GALNTL6: variants seen among roughly 807,000 people sequenced by gnomAD.
GALNTL6 encodes the protein polypeptide N-acetylgalactosaminyltransferase like 6.
GALNTL6 carries 46 observed loss-of-function variants against 73.7 expected under a neutral mutation model. The ratio of observed to expected loss-of-function variants is 0.62; its 90% CI spans 0.49 to 0.80. The LOEUF is 0.80. Ranked by LOEUF, GALNTL6 falls within the 30% of genes least tolerant of loss-of-function variation. The probability of loss-of-function intolerance (pLI) is 0.00; values close to 1 mark genes in which losing one functional copy is unlikely to be tolerated. For missense variants in GALNTL6, 604 were observed against 755.0 expected (o/e 0.80, Z 2.34); for synonymous variants, 259 against 263.7 (o/e 0.98, Z 0.17).
At chr4:172,564,627 A>G (rs1736492168) in intron 5 of GALNTL6, among the ~76,000 whole-genome samples, 1 of 152,246 alleles carries the variant, frequency 6.6e-6, no homozygotes, top group Non-Finnish European at 1.5e-5. Context: ...CAATGCTGTA[A>G]TGGCAAACAT....
intron 7 of GALNTL6, among the ~76,000 whole-genome samples, chr4:172,855,792 TG>T (rs1201777137): frequency 6.6e-6 from 1 of 152,218 alleles, no homozygotes. Context: ...CACGGGCTCC[TG>T]TTGCACCCTG....
chr4:172,365,983 T>G (rs1410738284), intron 5 of GALNTL6, among the ~76,000 whole-genome samples: 1 of 152,182 alleles, frequency 6.6e-6, no homozygotes, highest in Non-Finnish European at 1.5e-5. Flanking sequence ...CATTTTAACT[T>G]GAAACCTGAT....
At chr4:172,397,519 TAAAAAATGGA>T (rs1743889263) in intron 5 of GALNTL6, among the ~76,000 whole-genome samples, 1 of 151,972 alleles carries the variant, frequency 6.6e-6, no homozygotes, top group Admixed American at 6.6e-5. Flanking sequence ...ATTGTTGTAA[TAAAAAATGGA>T]TTTAACTCTC....
intron 2 of GALNTL6, among the ~76,000 whole-genome samples, chr4:172,155,610 T>C (rs893836511): frequency 1.3e-5 from 2 of 152,226 alleles, no homozygotes; most frequent in African/African-American, 4.8e-5. Context: ...AAACTAGCAT[T>C]ATGAAATGTT....
intron 8 of GALNTL6, among the ~76,000 whole-genome samples, chr4:172,913,521 A>G (rs1314112093): frequency 6.6e-6 from 1 of 152,202 alleles, no homozygotes; most frequent in East Asian, 1.9e-4. Context: ...GGCTAACTAG[A>G]ATAAACAGCA....
chr4:172,324,591 T>G (rs1740880551), intron 4 of GALNTL6, among the ~76,000 whole-genome samples: 1 of 151,312 alleles, frequency 6.6e-6, no homozygotes, highest in African/African-American at 2.4e-5. Flanking sequence ...TTATATTTAT[T>G]TATATTTATT....
At chr4:172,141,643 G>A (rs1163282458) in intron 2 of GALNTL6, among the ~76,000 whole-genome samples, 1 of 151,730 alleles carries the variant, frequency 6.6e-6, no homozygotes, top group Non-Finnish European at 1.5e-5. Flanking sequence ...AATTCTGCCA[G>A]TATAAAAGGA....
At chr4:172,063,247 A>G (rs1731261318) in intron 2 of GALNTL6, among the ~76,000 whole-genome samples, 1 of 152,260 alleles carries the variant, frequency 6.6e-6, no homozygotes. Flanking sequence ...GCCCAAATTC[A>G]GAAGGAAAGA....
intron 5 of GALNTL6, among the ~76,000 whole-genome samples, chr4:172,458,950 T>C (rs1418703497): frequency 6.6e-6 from 1 of 152,112 alleles, no homozygotes; most frequent in African/African-American, 2.4e-5. Flanking sequence ...TGAATATCGA[T>C]GTGAAAATCC....
intron 2 of GALNTL6, among the ~76,000 whole-genome samples, chr4:171,994,162 A>C (rs1484343697): frequency 1.2e-4 from 18 of 152,136 alleles, no homozygotes; most frequent in Admixed American, 1.2e-3. Flanking sequence ...GTATCAATCA[A>C]GATGGTCTAG....
Position 172,035,234 on chromosome 4 carries a change from T to C in GALNTL6, c.139-194422T>C, listed in dbSNP as rs572161395. The stretch of plus-strand genomic sequence containing the variant: ...TAAAAAACATAGAAAACATGTAAAG[T>C]TTTCAAGAATAATAGACAAGTCCAT... On this transcript the variant is annotated intron_variant, in intron 2 of 12. Transcript: ENST00000506823. Among the ~76,000 whole-genome samples the C allele has an allele frequency of 7.9e-5, 12 of 152,078 alleles. 1 individual carries two copies. The South Asian group carries it at 2.5e-3, about 32-fold the overall frequency.
chr4:171,870,089 G>A (rs1037738081), intron 2 of GALNTL6, among the ~76,000 whole-genome samples: 9 of 152,186 alleles, frequency 5.9e-5, no homozygotes, highest in South Asian at 4.1e-4. Context: ...CTGATATGAC[G>A]GAGACCAAGA....
chr4:172,561,126 G>A lies in GALNTL6; in HGVS notation c.553+212437G>A, dbSNP rs1049309791. On this transcript the variant is annotated intron_variant, in intron 5 of 12. Coordinates refer to ENST00000506823, the MANE Select transcript of GALNTL6 (RefSeq NM_001034845.3). ...AAATTAGCCGGGCGCGGTGGCGGGCGCCTGTAGTCCCAGCTACTCGGGAGG... is the reference window on the plus strand; with the variant it reads ...AAATTAGCCGGGCGCGGTGGCGGGCACCTGTAGTCCCAGCTACTCGGGAGG... Among the ~76,000 whole-genome samples, 4 of 151,380 alleles carry A rather than the reference G, an allele frequency of 2.6e-5. No individual in the cohort carries two copies. In the East Asian group the frequency reaches 7.8e-4, roughly 29 times the overall value.
chr4:172,548,494 G>A (rs1163074896), intron 5 of GALNTL6, among the ~76,000 whole-genome samples: 1 of 152,126 alleles, frequency 6.6e-6, no homozygotes, highest in Non-Finnish European at 1.5e-5. Context: ...CCGGTACATG[G>A]TATGTGGTTT....
chr4:172,753,857 A>T (rs1346092168), intron 5 of GALNTL6, among the ~76,000 whole-genome samples: 1 of 152,174 alleles, frequency 6.6e-6, no homozygotes, highest in Non-Finnish European at 1.5e-5. Flanking sequence ...TCAAAAAAAA[A>T]ATCTGTGGAA....
intron 8 of GALNTL6, among the ~76,000 whole-genome samples, chr4:172,898,019 A>G (rs1262780907): frequency 6.7e-6 from 1 of 149,460 alleles, no homozygotes; most frequent in African/African-American, 2.6e-5. Context: ...CACCTAAAAC[A>G]TACAGATAGA....
At chr4:172,168,458 C>T (rs548083624) in intron 2 of GALNTL6, among the ~76,000 whole-genome samples, 2 of 152,150 alleles carry the variant, frequency 1.3e-5, no homozygotes, top group African/African-American at 2.4e-5. Context: ...GGCATATAGA[C>T]ACTTGAGACT....
At chr4:172,258,239 A>G (rs1738148683) in intron 3 of GALNTL6, among the ~76,000 whole-genome samples, 2 of 151,260 alleles carry the variant, frequency 1.3e-5, no homozygotes, top group African/African-American at 4.8e-5. Context: ...CCAAATGCAA[A>G]ATGTGTCTTC....
intron 2 of GALNTL6, among the ~76,000 whole-genome samples, chr4:172,124,098 T>C (rs1733228107): frequency 6.6e-6 from 1 of 152,188 alleles, no homozygotes; most frequent in Admixed American, 6.5e-5. Context: ...TAATCAGCAA[T>C]TGACAAGAAA....
Sources: allele counts gnomAD v4.1 joint callset (sites outside exome capture counted in the v4.1 genomes callset), GRCh38; gene constraint gnomAD v4.1.1; transcripts MANE v1.5; gene names NCBI Gene and HGNC (gene_info 2026-07-23, HGNC 2026-07-21).